Variants in MED15 observed in about 807,000 individuals in gnomAD.
MED15 encodes the protein mediator complex subunit 15.
A neutral mutation model predicts 118.7 loss-of-function variants in MED15; 41 were observed. The ratio of observed to expected loss-of-function variants is 0.35; its 90% CI spans 0.27 to 0.45. The LOEUF is 0.45. MED15 is among the 20% of genes least tolerant of loss of function. The probability of loss-of-function intolerance (pLI) is 1.00; values close to 1 mark genes in which losing one functional copy is unlikely to be tolerated. For synonymous variants in MED15, 436 were observed against 413.9 expected (o/e 1.05, Z -0.65); for missense variants, 740 against 1,025.5 (o/e 0.72, Z 3.80).
chr22:20,523,763 A>G (rs1601468208), intron 1 of MED15: 8 of 985,406 alleles, frequency 8.1e-6, no homozygotes, highest in Non-Finnish European at 9.6e-6. Context: ...AAGTCAAACC[A>G]ACAGATTGGA....
At chr22:20,582,517 C>G in intron 9 of MED15, 94 bp from the exon 10 acceptor site, 2 of 1,517,472 alleles carry the variant, frequency 1.3e-6, no homozygotes, top group Admixed American at 2.0e-5. Context: ...TGAGGCTGTG[C>G]GGGAGGATGG....
intron 11 of MED15, 65 bp downstream of exon 11, chr22:20,583,032 G>A (rs1187121540): frequency 1.3e-6 from 2 of 1,574,774 alleles, no homozygotes; most frequent in African/African-American, 2.7e-5. Context: ...CATACTGGGT[G>A]TGCGAGCTCT....
chr22:20,566,839 T>G, intron 7 of MED15, 22 bp downstream of exon 7: 1 of 1,608,768 alleles, frequency 6.2e-7, no homozygotes, highest in East Asian at 2.2e-5. Flanking sequence ...TGGCCCACAG[T>G]GGAGCACATG....
At chr22:20,583,446 C>G (rs1223701469) in intron 13 of MED15, 53 bp downstream of exon 13, 1 of 1,597,114 alleles carries the variant, frequency 6.3e-7, no homozygotes, top group Admixed American at 1.7e-5. Flanking sequence ...GATAGCCCAG[C>G]CATGGATGGG....
At position 20,507,663 on chromosome 22, in the gene MED15, G is replaced by C; in HGVS notation, c.-16G>C. The stretch of plus-strand genomic sequence containing the variant: ...CGGCCAAGCGGGATACGGGCGGCGG[G>C]AGCTGGGGAACAGGCATGGACGTTT... On this transcript the variant is annotated 5_prime_UTR_variant, in exon 1 of 18. Transcript: ENST00000263205. 1 of 1,613,936 alleles carries C rather than the reference G, an allele frequency of 6.2e-7. No homozygotes were observed. The highest frequency in any genetic ancestry group is 8.5e-7 in the Non-Finnish European group (1 of 1,179,860).
intron 16 of MED15, 23 bp downstream of exon 16, chr22:20,585,290 C>T: frequency 3.7e-6 from 6 of 1,608,344 alleles, no homozygotes; most frequent in Non-Finnish European, 5.1e-6. Flanking sequence ...AGGGCCGGGA[C>T]TGGTGTGGGA....
At chr22:20,568,689 C>A in intron 8 of MED15, 58 bp downstream of exon 8, 1 of 1,581,370 alleles carries the variant, frequency 6.3e-7, no homozygotes, top group East Asian at 2.3e-5. Flanking sequence ...TTCACCTGCG[C>A]ATGTAGTGCT....
chr22:20,554,760 G>A (rs532406308), intron 4 of MED15, 176 bp from the exon 5 acceptor site: 20 of 610,798 alleles, frequency 3.3e-5, no homozygotes, highest in African/African-American at 7.4e-5. Flanking sequence ...CACACCTGGC[G>A]TCCTAGCCAT....
chr22:20,551,043 A>G (rs1601555310), intron 2 of MED15: 1 of 463,796 alleles, frequency 2.2e-6, no homozygotes, highest in South Asian at 1.6e-5. Context: ...GCAAAGACAC[A>G]GCGGCCCACC....
Position 20,572,860 on chromosome 22 carries a change from G to C in MED15, c.1153-2253G>C, listed in dbSNP as rs374859520. On this transcript the variant is annotated intron_variant, in intron 8 of 17. Coordinates refer to ENST00000263205, the MANE Select transcript of MED15 (RefSeq NM_001003891.3). The stretch of plus-strand genomic sequence containing the variant: ...GGATCGTGCAAGCCCAGGGGTTTGA[G>C]GCTGCAGTGAGCTGTGATGACAGCA... Among the ~76,000 whole-genome samples the C allele has an allele frequency of 2.0e-5, 3 of 152,332 alleles. No homozygotes were observed. In the East Asian group the frequency reaches 5.8e-4, roughly 29 times the overall value.
intron 6 of MED15, 51 bp downstream of exon 6, chr22:20,564,739 C>G: frequency 6.2e-7 from 1 of 1,608,406 alleles, no homozygotes; most frequent in Non-Finnish European, 8.5e-7. Flanking sequence ...AGCGTGAGCC[C>G]TGGGCTGGCA....
In MED15 at chr22:20,582,534, G is replaced by A. The variant is rs6003275; in HGVS notation, c.1273-77G>A. 1.3e-3 allele frequency: 2,012 copies of A among 1,532,228 alleles called. 30 individuals are homozygous for A. In the African/African-American group the frequency reaches 0.024, roughly 18 times the overall value. 94.9% of individuals were successfully genotyped at this position (1,532,228 alleles called of 1,614,324 possible). A position where few individuals can be genotyped will look rare whatever the true frequency, so the allele number is the denominator to read the frequency against. On this transcript the variant is annotated intron_variant, in intron 9 of 17. Transcript: ENST00000263205. ...AGGCTGTGCGGGAGGATGGGCCTAT[G>A]CGTGCGGTGGGCAGGTGGTGTGGAG...
chr22:20,569,751 G>A (rs960642654), intron 8 of MED15, among the ~76,000 whole-genome samples: 5 of 152,166 alleles, frequency 3.3e-5, no homozygotes, highest in South Asian at 2.1e-4. Flanking sequence ...ATGGAGCCCT[G>A]TATGAAACAC....
chr22:20,551,362 G>T (rs1192359623), intron 2 of MED15, 74 bp from the exon 3 acceptor site: 1 of 1,371,744 alleles, frequency 7.3e-7, no homozygotes, highest in East Asian at 2.3e-5. Flanking sequence ...CAGCAGGCGA[G>T]GGGGCGGGAA....
At chr22:20,540,442 C>T (rs919273475) in intron 2 of MED15, among the ~76,000 whole-genome samples, 12 of 152,072 alleles carry the variant, frequency 7.9e-5, no homozygotes, top group Admixed American at 2.0e-4. Flanking sequence ...GGCATGGTGG[C>T]GCGTGCCTGT....
At chr22:20,550,773 G>T (rs563911792) in intron 2 of MED15, among the ~76,000 whole-genome samples, 1 of 152,382 alleles carries the variant, frequency 6.6e-6, no homozygotes, top group African/African-American at 2.4e-5. Flanking sequence ...GAGGACAATG[G>T]GTGGGAGGCA....
At chr22:20,527,703 A>G (rs2054699646) in intron 1 of MED15, among the ~76,000 whole-genome samples, 1 of 152,114 alleles carries the variant, frequency 6.6e-6, no homozygotes, top group African/African-American at 2.4e-5. Context: ...CACACCTGTA[A>G]TCCTAGCACT....
intron 1 of MED15, chr22:20,522,802 A>G (rs1302953791): frequency 6.6e-6 from 1 of 152,492 alleles, no homozygotes; most frequent in Non-Finnish European, 1.5e-5. Context: ...CTGTCTGCCT[A>G]GGTGGGGATG....
At position 20,575,252 on chromosome 22, in the gene MED15, C is replaced by G; in HGVS notation, c.1272+20C>G. 2 of 1,611,210 alleles carry G rather than the reference C, an allele frequency of 1.2e-6. No individual in the cohort carries two copies. Among genetic ancestry groups the G allele is most frequent in the Non-Finnish European group, 1.7e-6 (2 of 1,179,404 alleles). ...GCACAGGTATTTACGGGGCAGCGCCCAGGGCACGGCTGGGAGCTCGGGGCG... is the reference window on the plus strand; with the variant it reads ...GCACAGGTATTTACGGGGCAGCGCCGAGGGCACGGCTGGGAGCTCGGGGCG... On this transcript the variant is annotated intron_variant, in intron 9 of 17. Coordinates refer to ENST00000263205, the MANE Select transcript of MED15 (RefSeq NM_001003891.3).
Sources: gnomAD v4.1 joint callset for allele counts (sites outside exome capture counted in the v4.1 genomes callset) on GRCh38, gnomAD v4.1.1 for gene constraint, MANE v1.5 for transcripts, NCBI Gene and HGNC (gene_info 2026-07-23, HGNC 2026-07-21) for gene names.